Variants in ZC3H15 observed in about 807,000 individuals in gnomAD.
ZC3H15 encodes zinc finger CCCH-type containing 15.
Under a neutral mutation model 51.2 loss-of-function variants are expected in ZC3H15, and 15 were observed. The observed-to-expected ratio is 0.29, with a 90% CI of 0.20 to 0.45. The LOEUF is 0.45. Ranked by LOEUF, ZC3H15 falls within the 20% of genes least tolerant of loss-of-function variation. The pLI is 1.00. For missense variants in ZC3H15, 381 were observed against 494.7 expected, an observed-to-expected ratio of 0.77 and a Z score of 2.18; for synonymous variants, 144 against 162.8, an observed-to-expected ratio of 0.88 and a Z score of 0.88.
chr2:186,503,868 G>T (rs1685425964), intron 5 of ZC3H15, among the ~76,000 whole-genome samples, 164 bp from the exon 6 acceptor site: 1 of 152,174 alleles, frequency 6.6e-6, no homozygotes, highest in South Asian at 2.1e-4. Flanking sequence ...TTGCATTTCT[G>T]CACAGAATAG....
intron 2 of ZC3H15, among the ~76,000 whole-genome samples, chr2:186,498,861 A>G (rs1032704166): frequency 6.6e-6 from 1 of 152,194 alleles, no homozygotes; most frequent in African/African-American, 2.4e-5. Context: ...GTAAGCTGCT[A>G]TTTCTAAAGT....
intron 2 of ZC3H15, among the ~76,000 whole-genome samples, chr2:186,496,037 G>A (rs929185516): frequency 6.6e-6 from 1 of 152,066 alleles, no homozygotes; most frequent in African/African-American, 2.4e-5. Context: ...GATAATTGGT[G>A]ATATTTCAGT....
intron 2 of ZC3H15, among the ~76,000 whole-genome samples, chr2:186,496,274 A>G (rs538841940): frequency 4.2e-4 from 64 of 152,350 alleles, no homozygotes; most frequent in Non-Finnish European, 7.2e-4. Flanking sequence ...CAGGAATACA[A>G]TGGTGTGATC....
chr2:186,492,583 TGA>T (rs1685217528), intron 1 of ZC3H15, among the ~76,000 whole-genome samples: 1 of 152,224 alleles, frequency 6.6e-6, no homozygotes, highest in Admixed American at 6.5e-5. Context: ...TATTTCCCAA[TGA>T]GAGATAACCA....
chr2:186,497,961 G>A (rs1448733155), intron 2 of ZC3H15, among the ~76,000 whole-genome samples: 1 of 152,146 alleles, frequency 6.6e-6, no homozygotes, highest in Non-Finnish European at 1.5e-5. Context: ...CGATACATGT[G>A]TCTTCTCCAG....
intron 2 of ZC3H15, among the ~76,000 whole-genome samples, chr2:186,496,407 G>A (rs534822714): frequency 9.2e-5 from 14 of 152,194 alleles, no homozygotes; most frequent in African/African-American, 1.9e-4. Flanking sequence ...TTGTAGAGAC[G>A]GGATTTCGCC....
rs573520859 is a variant in ZC3H15 at position 186,505,316 on chromosome 2, A to G, written c.718-135A>G. 6.5e-4 allele frequency: 692 copies of G among 1,068,974 alleles called. 15 individuals are homozygous for G. The South Asian group carries it at 0.022, about 34-fold the overall frequency. 66.2% of individuals were successfully genotyped at this position (1,068,974 alleles called of 1,614,324 possible). A position where few individuals can be genotyped will look rare whatever the true frequency, so the allele number is the denominator to read the frequency against. On this transcript the variant is annotated intron_variant, in intron 6 of 9. Transcript: ENST00000337859. ...ATTGCCACGTAAAGTAAAAAAATAC[A>G]TAAATTAGCTTATTCCAATGTAATA...
At chr2:186,506,904 T>A (rs760927641) in intron 9 of ZC3H15, 68 bp downstream of exon 9, 155 of 1,527,146 alleles carry the variant, frequency 1.0e-4, no homozygotes, top group Non-Finnish European at 1.3e-4. Flanking sequence ...ATACCAGGCT[T>A]GGCAAACTTA....
intron 3 of ZC3H15, 192 bp downstream of exon 3, chr2:186,500,485 C>A: frequency 1.5e-6 from 1 of 657,174 alleles, no homozygotes; most frequent in Non-Finnish European, 2.8e-6. Context: ...TGTCATTGTA[C>A]AGCTGAACTG....
At chr2:186,493,131 A>C (rs1049524260) in intron 1 of ZC3H15, among the ~76,000 whole-genome samples, 13 of 152,116 alleles carry the variant, frequency 8.5e-5, no homozygotes, top group African/African-American at 2.9e-4. Flanking sequence ...AAAAAAAAAA[A>C]AACTCAACAA....
At chr2:186,500,717 C>T in intron 3 of ZC3H15, 1 of 455,166 alleles carries the variant, frequency 2.2e-6, no homozygotes, top group Non-Finnish European at 4.4e-6. Context: ...GCTCTGTCAC[C>T]AGGCTGGAGT....
At chr2:186,500,660 C>T (rs1404993183) in intron 3 of ZC3H15, 2 of 469,354 alleles carry the variant, frequency 4.3e-6, no homozygotes, top group Non-Finnish European at 8.5e-6. Context: ...TCTTTTTTGC[C>T]TTTTTTTGTT....
intron 6 of ZC3H15, 30 bp from the exon 7 acceptor site, chr2:186,505,421 G>A (rs377291039): frequency 3.3e-6 from 5 of 1,513,072 alleles, no homozygotes; most frequent in Admixed American, 2.4e-5. Flanking sequence ...TGACTTCTGT[G>A]GAAAAAAAAT....
Position 186,508,996 on chromosome 2 carries a change from C to G in ZC3H15, c.*263C>G. 1.8e-6 allele frequency: 1 copy of G among 565,278 alleles called. No homozygotes were observed. Among genetic ancestry groups the G allele is most frequent in the East Asian group, 4.1e-5 (1 of 24,170 alleles). The allele number at this position is 565,278 out of a possible 1,614,324, so 35.0% of individuals were successfully genotyped here. A position where few individuals can be genotyped will look rare whatever the true frequency, so the allele number is the denominator to read the frequency against. ...ATGATTGATGTTGTAACTGTCCACC[C>G]AAGTAAGAAGTGTATCTGCCTTTCC... On this transcript the variant is annotated 3_prime_UTR_variant, in exon 10 of 10. Transcript: ENST00000337859.
chr2:186,506,661 A>T (rs1451763231), intron 8 of ZC3H15, 52 bp from the exon 9 acceptor site: 15 of 1,558,516 alleles, frequency 9.6e-6, no homozygotes, highest in Non-Finnish European at 8.7e-7. Flanking sequence ...GTCAGGAGTA[A>T]AAGAAAACTG....
At chr2:186,493,183 T>G (rs1012850926) in intron 1 of ZC3H15, among the ~76,000 whole-genome samples, 1 of 150,812 alleles carries the variant, frequency 6.6e-6, no homozygotes, top group African/African-American at 2.4e-5. Flanking sequence ...GGCTGAAAAC[T>G]AGAAGTTAAA....
intron 1 of ZC3H15, among the ~76,000 whole-genome samples, chr2:186,492,529 A>G (rs967338914): frequency 6.6e-6 from 1 of 152,236 alleles, no homozygotes; most frequent in African/African-American, 2.4e-5. Flanking sequence ...AGTAGAGGAA[A>G]GCAAAGTTTT....
intron 5 of ZC3H15, among the ~76,000 whole-genome samples, chr2:186,503,021 G>C (rs1196238814): frequency 6.6e-6 from 1 of 152,082 alleles, no homozygotes; most frequent in Non-Finnish European, 1.5e-5. Flanking sequence ...ATGAATTTTT[G>C]GTAGGTAGTG....
intron 1 of ZC3H15, among the ~76,000 whole-genome samples, chr2:186,491,956 TTTC>T (rs1316029332): frequency 3.3e-5 from 5 of 152,156 alleles, no homozygotes; most frequent in Admixed American, 6.5e-5. Context: ...TGATTTTTTT[TTTC>T]TTCTTCTGGG....
Sources: allele counts gnomAD v4.1 joint callset (sites outside exome capture counted in the v4.1 genomes callset), GRCh38; gene constraint gnomAD v4.1.1; transcripts MANE v1.5; gene names NCBI Gene and HGNC (gene_info 2026-07-23, HGNC 2026-07-21).